The following HFM1 variants were observed in gnomAD, a reference collection of about 807,000 sequenced individuals.
The protein encoded by HFM1 is probable ATP-dependent DNA helicase HFM1.
HFM1 carries 169 observed loss-of-function variants against 192.1 expected under a neutral mutation model. The observed-to-expected ratio is 0.88, with a 90% CI of 0.78 to 1.00. The LOEUF (loss-of-function observed/expected upper bound fraction) is 1.00, where lower values mean the gene tolerates loss of function less well. Ranked by LOEUF, HFM1 falls within the 50% of genes least tolerant of loss-of-function variation. HFM1 has a pLI of 0.00. For synonymous variants in HFM1, 525 were observed against 537.8 expected (o/e 0.98, Z 0.33); for missense variants, 1,661 against 1,668.0 (o/e 1.00, Z 0.07).
At chr1:91,352,847 T>C (rs1361828679) in intron 15 of HFM1, among the ~76,000 whole-genome samples, 196 bp from the exon 16 acceptor site, 1 of 151,882 alleles carries the variant, frequency 6.6e-6, no homozygotes, top group Non-Finnish European at 1.5e-5. Context: ...TTTTTCAAAT[T>C]ACACCATGTT....
intron 1 of HFM1, among the ~76,000 whole-genome samples, chr1:91,401,583 T>G (rs1664315173): frequency 6.6e-6 from 1 of 152,160 alleles, no homozygotes; most frequent in Non-Finnish European, 1.5e-5. Context: ...ATGCAGGGAT[T>G]TGCTTCAAAA....
chr1:91,334,921 T>G (rs1483237258), intron 20 of HFM1, among the ~76,000 whole-genome samples: 2 of 148,514 alleles, frequency 1.3e-5, no homozygotes, highest in East Asian at 3.9e-4. Context: ...AGAGCAAGAC[T>G]CTCTGTCTCA....
At chr1:91,328,327 T>G in intron 20 of HFM1, 1 of 1,491,688 alleles carries the variant, frequency 6.7e-7, no homozygotes, top group South Asian at 1.3e-5. Flanking sequence ...GAATCAAGCT[T>G]TAGCCGCCGA....
At position 91,274,712 on chromosome 1, in the gene HFM1, T is replaced by C. The variant is rs1557760949; in HGVS notation, c.3668+18A>G. 2 of 1,248,204 alleles carry C rather than the reference T, an allele frequency of 1.6e-6. No homozygotes were observed. The highest frequency in any genetic ancestry group is 3.0e-5 in the African/African-American group (2 of 67,576). The allele number at this position is 1,248,204 out of a possible 1,614,324, so 77.3% of individuals were successfully genotyped here. ...TACGATAAATATTTTACCTTAGATA[T>C]TAACATTATATTTGTACCTTGATAT... On this transcript the variant is annotated intron_variant, in intron 33 of 38. Transcript: ENST00000370425.
chr1:91,352,608 G>A lies in HFM1; in HGVS notation c.1875C>T (p.His625=), dbSNP rs757468809. ...TLAMGVNLPA[H]LVVIKSTMHY... ...GCATTGTAGATTTTATAACTACTAG[G>A]TGAGCAGGCAAATTTACTCCCATAG... is the stretch of plus-strand genomic sequence containing the variant. The change falls in exon 16 of 39, where the codon CAC becomes CAT. Residue 625 remains histidine (H), a synonymous_variant. Coordinates refer to ENST00000370425, the MANE Select transcript of HFM1 (RefSeq NM_001017975.6). 6.2e-7 allele frequency: 1 copy of A among 1,608,878 alleles called. No individual in the cohort carries two copies. Among genetic ancestry groups the A allele is most frequent in the Non-Finnish European group, 8.5e-7 (1 of 1,176,938 alleles).
rs1650785522 is a variant in HFM1, at chr1:91,313,579, T to C, written c.3245-84A>G. 5.4e-6 allele frequency: 5 copies of C among 921,550 alleles called. No individual in the cohort carries two copies. The East Asian group carries it at 1.4e-4, about 26-fold the overall frequency. 57.1% of individuals were successfully genotyped at this position (921,550 alleles called of 1,614,324 possible). ...AACACTTATTTCTTTTTATCTCTCT[T>C]ACATTTTTATAACTTCTAGAGCTAA... On this transcript the variant is annotated intron_variant, in intron 29 of 38. Coordinates refer to ENST00000370425, the MANE Select transcript of HFM1 (RefSeq NM_001017975.6).
chr1:91,399,351 A>G (rs1203023006), intron 2 of HFM1, among the ~76,000 whole-genome samples: 2 of 151,850 alleles, frequency 1.3e-5, no homozygotes, highest in Non-Finnish European at 2.9e-5. Context: ...GATATTTGAT[A>G]CTCCCTCTAG....
intron 6 of HFM1, among the ~76,000 whole-genome samples, chr1:91,383,831 G>A (rs1299044521): frequency 6.6e-6 from 1 of 152,044 alleles, no homozygotes; most frequent in Non-Finnish European, 1.5e-5. Flanking sequence ...CAAAAAAGAA[G>A]TAACTATGAG....
chr1:91,340,600 A>G (rs1231861201), intron 20 of HFM1, among the ~76,000 whole-genome samples: 1 of 152,212 alleles, frequency 6.6e-6, no homozygotes, highest in Non-Finnish European at 1.5e-5. Flanking sequence ...ACACATACCA[A>G]TATCAACCTT....
intron 20 of HFM1, 147 bp downstream of exon 20, chr1:91,343,283 T>A: frequency 8.3e-6 from 3 of 361,154 alleles, no homozygotes; most frequent in South Asian, 6.3e-5. Flanking sequence ...TTTAAATTTA[T>A]CATGCCTATG....
At chr1:91,382,114 G>A (rs1238504005) in intron 6 of HFM1, among the ~76,000 whole-genome samples, 1 of 151,992 alleles carries the variant, frequency 6.6e-6, no homozygotes, top group East Asian at 1.9e-4. Context: ...CTACGATCCT[G>A]CCATGAGGCC....
chr1:91,317,930 T>C (rs1651494550), intron 25 of HFM1, among the ~76,000 whole-genome samples: 1 of 152,174 alleles, frequency 6.6e-6, no homozygotes, highest in African/African-American at 2.4e-5. Flanking sequence ...GTAATGAGTG[T>C]GTGTGAAAAC....
intron 25 of HFM1, among the ~76,000 whole-genome samples, 199 bp downstream of exon 25, chr1:91,318,879 A>G (rs1300756646): frequency 1.3e-5 from 2 of 152,212 alleles, no homozygotes; most frequent in Non-Finnish European, 2.9e-5. Context: ...GTACTCATGT[A>G]TCATTCAGTT....
Position 91,394,261 on chromosome 1 carries a change from A to G in HFM1, c.326T>C (p.Val109Ala), listed in dbSNP as rs369055444. Residue 109 changes from valine (V) to alanine (A), a missense_variant, in exon 4 of 39, where the codon GTA becomes GCA. Physicochemically the swap from Val to Ala is moderately conservative, Grantham distance 64. Transcript: ENST00000370425. ...YEQDDLNLEG[V>A]GNNDLSHIAG... Reference sequence around the variant, plus strand: ...AATATGTGATAAGTCATTATTACCTACCCCTTCTAAATTTAGATCATCCTG... The same window carrying G: ...AATATGTGATAAGTCATTATTACCTGCCCCTTCTAAATTTAGATCATCCTG... The G allele has an allele frequency of 9.4e-6, 15 of 1,596,868 alleles. No individual in the cohort carries two copies. Among genetic ancestry groups the G allele is most frequent in the Admixed American group, 3.3e-5 (2 of 59,920 alleles).
At chr1:91,381,816 A>G (rs983716083) in intron 6 of HFM1, among the ~76,000 whole-genome samples, 1 of 152,214 alleles carries the variant, frequency 6.6e-6, no homozygotes, top group Non-Finnish European at 1.5e-5. Context: ...ATCTGAGAAC[A>G]CAAGTACACA....
intron 36 of HFM1, among the ~76,000 whole-genome samples, chr1:91,263,653 C>T (rs979824033): frequency 2.6e-5 from 4 of 151,600 alleles, no homozygotes; most frequent in African/African-American, 7.3e-5. Flanking sequence ...CTTGGGAGGC[C>T]GAGGTGGGAG....
At chr1:91,390,597 A>C (rs1397465226) in intron 4 of HFM1, among the ~76,000 whole-genome samples, 2 of 152,166 alleles carry the variant, frequency 1.3e-5, no homozygotes, top group African/African-American at 4.8e-5. Context: ...AATTCATGGG[A>C]TATACCTCAA....
At chr1:91,286,562 G>C (rs918006712) in intron 30 of HFM1, among the ~76,000 whole-genome samples, 1 of 152,132 alleles carries the variant, frequency 6.6e-6, no homozygotes, top group Non-Finnish European at 1.5e-5. Context: ...AGTCATATTG[G>C]ATTAGGATGC....
At chr1:91,370,401 T>C (rs1322464009) in intron 13 of HFM1, among the ~76,000 whole-genome samples, 2 of 152,296 alleles carry the variant, frequency 1.3e-5, no homozygotes, top group African/African-American at 4.8e-5. Context: ...CATGATCAAG[T>C]GGGCTTCATC....
Sources: allele counts gnomAD v4.1 joint callset (sites outside exome capture counted in the v4.1 genomes callset), GRCh38; gene constraint gnomAD v4.1.1; transcripts MANE v1.5; gene names NCBI Gene and HGNC (gene_info 2026-07-23, HGNC 2026-07-21).